Variants in HK3 observed in about 807,000 individuals in gnomAD.
The protein encoded by HK3 is hexokinase 3.
In HK3, 93 loss-of-function variants were observed where a neutral mutation model predicts 91.0. That is an observed-to-expected ratio of 1.02 (90% CI 0.86 to 1.21). The LOEUF is 1.21. Ranked by LOEUF, HK3 falls within the 50% of genes most tolerant of loss-of-function variation. The probability of loss-of-function intolerance (pLI) is 0.00; values close to 1 mark genes in which losing one functional copy is unlikely to be tolerated. For synonymous variants in HK3, 519 were observed against 516.9 expected (o/e 1.00, Z -0.06); for missense variants, 1,235 against 1,247.4 (o/e 0.99, Z 0.15).
chr5:176,881,333 C>T lies in HK3; in HGVS notation c.2596G>A (p.Val866Met), dbSNP rs1322592654. ...GLEELAVSVG[V>M]DGTLYKLHPR... The stretch of plus-strand genomic sequence containing the variant: ...TGCAGCTTGTAGAGCGTTCCATCCA[C>T]CCCCACAGACACTGCCAGCTCTTCC... The change falls in exon 18 of 19, where the codon GTG becomes ATG. Residue 866 changes from valine to methionine, a missense_variant. Physicochemically the swap from Val to Met is conservative, Grantham distance 21. Coordinates refer to ENST00000292432, the MANE Select transcript of HK3 (RefSeq NM_002115.3). 1 of 1,614,000 alleles carries T rather than the reference C, an allele frequency of 6.2e-7. No individual in the cohort carries two copies. Among genetic ancestry groups the T allele is most frequent in the Non-Finnish European group, 8.5e-7 (1 of 1,180,000 alleles).
At position 176,881,513 on chromosome 5, in the gene HK3, C is replaced by T. The variant is rs1164817803; in HGVS notation, c.2416G>A (p.Val806Ile). 6.2e-7 allele frequency: 1 copy of T among 1,604,178 alleles called. No individual in the cohort carries two copies. Among genetic ancestry groups the T allele is most frequent in the Non-Finnish European group, 8.5e-7 (1 of 1,178,464 alleles). ...CCCAGATCCTCTAGGATGGCTCGGA[C>T]CTGCCGCAGGGCCAGGCTGTCACTG... is the stretch of plus-strand genomic sequence containing the variant. ...IESDSLALRQ[V>I]RAILEDLGLP... is the part of the protein sequence containing the mutation. The change falls in exon 18 of 19, where the codon GTC (valine) becomes ATC (isoleucine). Residue 806 changes from valine to isoleucine, a missense_variant. By Grantham distance (29) the Val-to-Ile change is conservative. Transcript: ENST00000292432.
intron 15 of HK3, 48 bp downstream of exon 15, chr5:176,883,722 A>G: frequency 6.9e-7 from 1 of 1,440,684 alleles, no homozygotes. Context: ...AACAGAAGGC[A>G]GCAAATTGCC....
At position 176,887,032 on chromosome 5, in the gene HK3, GGAGAA is replaced by G; in HGVS notation, c.1822_1826del (p.Phe608LeufsTer4). On this transcript the variant is annotated frameshift_variant, in exon 13 of 19. Transcript: ENST00000292432. LOFTEE classifies it high-confidence loss of function. This position sits in a 1 kb window ranked among gnomAD's most constrained non-coding sequence, Gnocchi z 4.9. The stretch of plus-strand genomic sequence containing the variant: ...CTAGGCCAAGCTGCCTACATGGGAA[GGAGAA>G]GGTAAAACCCAGTGGGAGGCTCTGC... The G allele has an allele frequency of 6.2e-7, 1 of 1,614,176 alleles. No homozygotes were observed. Among genetic ancestry groups the G allele is most frequent in the South Asian group, 1.1e-5 (1 of 91,070 alleles).
chr5:176,890,609 C>G (rs753682576), intron 6 of HK3, 26 bp downstream of exon 6: 1 of 1,605,748 alleles, frequency 6.2e-7, no homozygotes, highest in Non-Finnish European at 8.5e-7. Context: ...ATGGGCAGCC[C>G]TCCTGTCACC....
intron 13 of HK3, among the ~76,000 whole-genome samples, chr5:176,886,574 G>A: frequency 1.3e-5 from 2 of 151,968 alleles, no homozygotes; most frequent in East Asian, 3.9e-4. Flanking sequence ...GCCTGTGCCT[G>A]GCACTCTGCC....
intron 13 of HK3, among the ~76,000 whole-genome samples, chr5:176,885,975 G>A (rs140701982): frequency 1.8e-4 from 27 of 152,102 alleles, no homozygotes; most frequent in African/African-American, 5.8e-4. Context: ...GGTGGCTCAC[G>A]CCTGTAATCC....
In HK3 at chr5:176,892,905, G is replaced by A. The variant is rs527847150; in HGVS notation, c.97-1355C>T. Among the ~76,000 whole-genome samples, 6 of 152,312 alleles carry A rather than the reference G, an allele frequency of 3.9e-5. No individual in the cohort carries two copies. In the East Asian group the frequency reaches 5.8e-4, roughly 15 times the overall value. On this transcript the variant is annotated intron_variant, in intron 2 of 18. Transcript: ENST00000292432. Reference sequence around the variant, plus strand: ...TGGGGTGCCAGATGTCCACTTACACGTTTGCCTTACAGCACATGCTTCCAG... The same window carrying A: ...TGGGGTGCCAGATGTCCACTTACACATTTGCCTTACAGCACATGCTTCCAG...
chr5:176,896,152 G>A lies in HK3; in HGVS notation c.8C>T (p.Ser3Phe). 6.2e-7 allele frequency: 1 copy of A among 1,603,950 alleles called. No homozygotes were observed. The highest frequency in any genetic ancestry group is 8.5e-7 in the Non-Finnish European group (1 of 1,175,958). ...CTGCCGCAACCCTGAAGACCCAATG[G>A]AGTCCATGAGCTTCCACAGTGGAAG... is the stretch of plus-strand genomic sequence containing the variant. MDSIGSSGLRQGE... is the reference protein window; with the variant it reads MDFIGSSGLRQGE... The change falls in exon 2 of 19, where the codon TCC (serine) becomes TTC (phenylalanine). Residue 3 changes from serine (S) to phenylalanine (F), a missense_variant. Physicochemically the swap from Ser to Phe is radical, Grantham distance 155 (BLOSUM62 -2). Around this residue, in one of 3 missense-constraint regions of HK3, gnomAD observed 717 missense variants for 751.6 expected, o/e 0.95. Transcript: ENST00000292432.
Position 176,889,494 on chromosome 5 carries a change from GC to G in HK3, c.800del (p.Arg267ProfsTer21). On this transcript the variant is annotated frameshift_variant, in exon 8 of 19. Transcript: ENST00000292432. LOFTEE classifies it high-confidence loss of function. ...AGCCCCACTCGACGCTGACGCAGACGCGGCCCCGGTCTTCGTCCAGCACTGC... is the reference window on the plus strand; with the variant it reads ...AGCCCCACTCGACGCTGACGCAGACGGGCCCCGGTCTTCGTCCAGCACTGC... ...HVAVLDEDRG[R>X]VCVSVEWGSF... 6.2e-7 allele frequency: 1 copy of G among 1,614,160 alleles called. No homozygotes were observed.
At position 176,884,249 on chromosome 5, in the gene HK3, A is replaced by G. The variant is rs1581291569; in HGVS notation, c.1858-115T>C. On this transcript the variant is annotated intron_variant, in intron 13 of 18. Transcript: ENST00000292432. The surrounding 1 kb of genome is among the most constrained non-coding windows in gnomAD (Gnocchi z 4.1). ...AGGCTTTCCACCCTCCCCAAGCACA[A>G]TTCCTTGCCTACTTTGCTGTATGGT... The G allele has an allele frequency of 1.1e-5, 9 of 848,196 alleles. No homozygotes were observed. In the East Asian group the frequency reaches 2.2e-4, roughly 21 times the overall value. 52.5% of individuals were successfully genotyped at this position (848,196 alleles called of 1,614,324 possible). A position where few individuals can be genotyped will look rare whatever the true frequency, so the allele number is the denominator to read the frequency against.
chr5:176,887,341 T>G lies in HK3; in HGVS notation c.1601-4A>C. The G allele has an allele frequency of 6.2e-7, 1 of 1,613,880 alleles. No individual in the cohort carries two copies. The highest frequency in any genetic ancestry group is 1.1e-5 in the South Asian group (1 of 91,082). The stretch of plus-strand genomic sequence containing the variant: ...AGGGCCAGGAAATCCCCTCGCTCTG[T>G]GGGGGCAGAGACCCTCAGTGCCGGG... On this transcript the variant is annotated splice_region_variant and splice_polypyrimidine_tract_variant and intron_variant, in intron 11 of 18. Transcript: ENST00000292432. The surrounding 1 kb of genome is among the most constrained non-coding windows in gnomAD (Gnocchi z 4.9).
In HK3 at chr5:176,889,561, G is replaced by C. The variant is rs529102011; in HGVS notation, c.734C>G (p.Thr245Arg). The change falls in exon 8 of 19, where the codon ACG (threonine) becomes AGG (arginine). Residue 245 changes from threonine to arginine, a missense_variant. Transcript: ENST00000292432. ...RPCEVGLVVD[T>R]GTNACYMEEA... ...CTCCATGTAACACGCGTTGGTGCCCGTGTCTGGCAGAGACAACCCTGTCAA... is the reference window on the plus strand; with the variant it reads ...CTCCATGTAACACGCGTTGGTGCCCCTGTCTGGCAGAGACAACCCTGTCAA... 1.2e-6 allele frequency: 2 copies of C among 1,614,124 alleles called. No homozygotes were observed. The highest frequency in any genetic ancestry group is 2.2e-5 in the East Asian group (1 of 44,886).
intron 2 of HK3, among the ~76,000 whole-genome samples, chr5:176,892,047 G>A (rs895416460): frequency 6.6e-6 from 1 of 152,178 alleles, no homozygotes; most frequent in Non-Finnish European, 1.5e-5. Context: ...TGCAGAGGAT[G>A]GTCCTTTTTT....
intron 1 of HK3, among the ~76,000 whole-genome samples, chr5:176,898,148 T>C (rs1758951334): frequency 6.6e-6 from 1 of 152,178 alleles, no homozygotes; most frequent in Non-Finnish European, 1.5e-5. Context: ...TCCTCCGGCC[T>C]GATTATTACA....
rs1758532713 is a variant in HK3 at position 176,884,570 on chromosome 5, A to G, written c.1858-436T>C. On this transcript the variant is annotated intron_variant, in intron 13 of 18. Coordinates refer to ENST00000292432, the MANE Select transcript of HK3 (RefSeq NM_002115.3). This position sits in a 1 kb window ranked among gnomAD's most constrained non-coding sequence, Gnocchi z 4.1. Reference sequence around the variant, plus strand: ...AACTCCAAGTTACTCTAGAGGAAGGAATTCTCAGCTTCAGGGATAGAGCCG... The same window carrying G: ...AACTCCAAGTTACTCTAGAGGAAGGGATTCTCAGCTTCAGGGATAGAGCCG... Among the ~76,000 whole-genome samples, 1 of 152,234 alleles carries G rather than the reference A, an allele frequency of 6.6e-6. No homozygotes were observed. The highest frequency in any genetic ancestry group is 2.4e-5 in the African/African-American group (1 of 41,462).
rs188703549 is a variant in HK3 at position 176,882,290 on chromosome 5, G to C, written c.2054-163C>G. ...TCCTTCTTCCTTCCCGACATCCCTC[G>C]TGCAGACCCTGCCAGCTCCAAGCCC... is the stretch of plus-strand genomic sequence containing the variant. On this transcript the variant is annotated intron_variant, in intron 15 of 18. Transcript: ENST00000292432. 1.2e-5 allele frequency: 9 copies of C among 740,894 alleles called. No individual in the cohort carries two copies. The South Asian group carries it at 1.4e-4, about 12-fold the overall frequency. 45.9% of individuals were successfully genotyped at this position (740,894 alleles called of 1,614,324 possible). A position where few individuals can be genotyped will look rare whatever the true frequency, so the allele number is the denominator to read the frequency against.
In HK3 at chr5:176,880,891, A is replaced by ATG; in HGVS notation, c.*181_*182insCA. 1 of 573,202 alleles carries ATG rather than the reference A, an allele frequency of 1.7e-6. No individual in the cohort carries two copies. The highest frequency in any genetic ancestry group is 2.9e-6 in the Non-Finnish European group (1 of 339,284). 35.5% of individuals were successfully genotyped at this position (573,202 alleles called of 1,614,324 possible). ...GAATGTAAATAAATTATATATATAT[A>ATG]TTGCTAACCTGAGTGCTACTTCTCT... is the stretch of plus-strand genomic sequence containing the variant. On this transcript the variant is annotated 3_prime_UTR_variant, in exon 19 of 19. Coordinates refer to ENST00000292432, the MANE Select transcript of HK3 (RefSeq NM_002115.3).
At position 176,887,127 on chromosome 5, in the gene HK3, G is replaced by A. The variant is rs777579183; in HGVS notation, c.1738-6C>T. 1.2e-6 allele frequency: 2 copies of A among 1,614,160 alleles called. No individual in the cohort carries two copies. Among genetic ancestry groups the A allele is most frequent in the Non-Finnish European group, 1.7e-6 (2 of 1,180,026 alleles). ...TCCACGATGTGGTCAAAGAGCTGTG[G>A]GGCAGGACAGGTCAGGCGTAGGCAC... On this transcript the variant is annotated splice_region_variant and splice_polypyrimidine_tract_variant and intron_variant, in intron 12 of 18. Transcript: ENST00000292432. This position sits in a 1 kb window ranked among gnomAD's most constrained non-coding sequence, Gnocchi z 4.9.
chr5:176,882,627 G>A (rs544386457), intron 15 of HK3, among the ~76,000 whole-genome samples: 21 of 152,326 alleles, frequency 1.4e-4, no homozygotes, highest in African/African-American at 5.1e-4. Flanking sequence ...GTGCCCCCGT[G>A]GAAGCACCAA....
Sources: allele counts gnomAD v4.1 joint callset (sites outside exome capture counted in the v4.1 genomes callset), GRCh38; gene constraint gnomAD v4.1.1; regional missense constraint gnomAD v4.1.1; non-coding constraint Gnocchi (gnomAD v3.1); transcripts MANE v1.5; gene names NCBI Gene and HGNC (gene_info 2026-07-23, HGNC 2026-07-21).